MBOAT1: variants seen among roughly 807,000 people sequenced by gnomAD.
The protein encoded by MBOAT1 is membrane-bound glycerophospholipid O-acyltransferase 1.
In MBOAT1, 67 loss-of-function variants were observed where a neutral mutation model predicts 64.4. The observed-to-expected ratio is 1.04, with a 90% confidence interval of 0.85 to 1.27. MBOAT1 has a LOEUF of 1.27. Ranked by LOEUF, MBOAT1 falls within the 50% of genes most tolerant of loss-of-function variation. MBOAT1 has a pLI of 0.00. For missense variants in MBOAT1, 563 were observed against 604.6 expected (o/e 0.93, Z 0.72); for synonymous variants, 229 against 218.9 (o/e 1.05, Z -0.41).
chr6:20,130,548 T>C (rs1170648127), intron 5 of MBOAT1, among the ~76,000 whole-genome samples: 1 of 151,532 alleles, frequency 6.6e-6, no homozygotes, highest in African/African-American at 2.4e-5. Context: ...GAGACGGGGG[T>C]TTCATCATGT....
chr6:20,118,655 G>C, intron 8 of MBOAT1, 115 bp from the exon 9 acceptor site: 1 of 768,926 alleles, frequency 1.3e-6, no homozygotes, highest in Non-Finnish European at 2.1e-6. Context: ...TAGTGTCTTT[G>C]GAAAAGGAAC....
At chr6:20,150,873 C>T (rs1474944917) in intron 3 of MBOAT1, among the ~76,000 whole-genome samples, 3 of 151,956 alleles carry the variant, frequency 2.0e-5, no homozygotes, top group Non-Finnish European at 4.4e-5. Flanking sequence ...TGAGCCACCA[C>T]GCCCAGCCTT....
intron 11 of MBOAT1, among the ~76,000 whole-genome samples, chr6:20,110,781 A>G (rs919288417): frequency 3.3e-5 from 5 of 152,144 alleles, no homozygotes; most frequent in Non-Finnish European, 7.4e-5. Flanking sequence ...GCCAGTAAAT[A>G]TTAATCTCCA....
At chr6:20,118,087 C>T (rs939746977) in intron 9 of MBOAT1, among the ~76,000 whole-genome samples, 7 of 152,058 alleles carry the variant, frequency 4.6e-5, no homozygotes, top group African/African-American at 1.4e-4. Flanking sequence ...AGTCTACATT[C>T]GTCACTGAAA....
chr6:20,191,674 C>A (rs930336417), intron 1 of MBOAT1, among the ~76,000 whole-genome samples: 2 of 152,192 alleles, frequency 1.3e-5, no homozygotes, highest in African/African-American at 4.8e-5. Context: ...GGTCATTTCA[C>A]CACATTGGAC....
chr6:20,125,013 T>C (rs1263484742), intron 7 of MBOAT1, among the ~76,000 whole-genome samples: 1 of 152,134 alleles, frequency 6.6e-6, no homozygotes, highest in Non-Finnish European at 1.5e-5. Flanking sequence ...GAATCACCAG[T>C]AGGGAAGACA....
intron 1 of MBOAT1, among the ~76,000 whole-genome samples, chr6:20,171,416 G>A (rs890390465): frequency 3.3e-5 from 5 of 150,866 alleles, no homozygotes; most frequent in Admixed American, 6.6e-5. Flanking sequence ...AGCCGGGCAT[G>A]GTGATGCACA....
intron 1 of MBOAT1, among the ~76,000 whole-genome samples, chr6:20,161,752 T>C (rs1282196420): frequency 2.0e-5 from 3 of 152,106 alleles, no homozygotes; most frequent in African/African-American, 7.2e-5. Flanking sequence ...AGTTCTCTTG[T>C]GGTATATTCC....
At chr6:20,103,509 G>A (rs894473620) in intron 12 of MBOAT1, among the ~76,000 whole-genome samples, 4 of 151,678 alleles carry the variant, frequency 2.6e-5, no homozygotes, top group African/African-American at 4.9e-5. Flanking sequence ...TCGGCTCACC[G>A]CAACCTCCAA....
At chr6:20,130,708 A>C (rs551001171) in intron 5 of MBOAT1, among the ~76,000 whole-genome samples, 1 of 152,026 alleles carries the variant, frequency 6.6e-6, no homozygotes, top group Non-Finnish European at 1.5e-5. Flanking sequence ...AGCCAAAAAA[A>C]AAAACAAACA....
At chr6:20,147,611 A>T (rs1403211150) in intron 3 of MBOAT1, among the ~76,000 whole-genome samples, 1 of 151,554 alleles carries the variant, frequency 6.6e-6, no homozygotes, top group Non-Finnish European at 1.5e-5. Flanking sequence ...CGCACTCCAG[A>T]CTGGGCAACG....
At chr6:20,130,386 C>T (rs1760783172) in intron 5 of MBOAT1, among the ~76,000 whole-genome samples, 1 of 152,080 alleles carries the variant, frequency 6.6e-6, no homozygotes, top group Non-Finnish European at 1.5e-5. Flanking sequence ...TGGAGTCTCG[C>T]TCTGTCACCC....
chr6:20,143,572 G>A (rs377734220), intron 4 of MBOAT1, among the ~76,000 whole-genome samples: 3 of 152,236 alleles, frequency 2.0e-5, no homozygotes, highest in South Asian at 4.1e-4. Flanking sequence ...ATGAGACTAC[G>A]TGGAAAGAAC....
chr6:20,140,444 A>C (rs1761136786), intron 4 of MBOAT1, among the ~76,000 whole-genome samples: 1 of 152,188 alleles, frequency 6.6e-6, no homozygotes, highest in Non-Finnish European at 1.5e-5. Flanking sequence ...TCCAAAAGAG[A>C]TTAGCATTTG....
intron 4 of MBOAT1, among the ~76,000 whole-genome samples, chr6:20,142,536 G>A (rs1319979720): frequency 2.6e-5 from 4 of 152,220 alleles, no homozygotes; most frequent in Non-Finnish European, 2.9e-5. Flanking sequence ...TACAACCTCC[G>A]CCTCCCAGGG....
chr6:20,135,698 T>C (rs917221202), intron 4 of MBOAT1, among the ~76,000 whole-genome samples: 1 of 152,182 alleles, frequency 6.6e-6, no homozygotes, highest in African/African-American at 2.4e-5. Context: ...TTCAAGCCTC[T>C]GATGTTCTCC....
intron 4 of MBOAT1, among the ~76,000 whole-genome samples, chr6:20,139,074 ATCTAGG>A (rs1761089576): frequency 6.6e-6 from 1 of 152,016 alleles, no homozygotes; most frequent in Admixed American, 6.6e-5. Flanking sequence ...GTCGTACTGG[ATCTAGG>A]GCCCACTCTA....
In MBOAT1 at chr6:20,144,565, C is replaced by G. The variant is rs144182139; in HGVS notation, c.324-250G>C. Among the ~76,000 whole-genome samples the G allele has an allele frequency of 1.9e-3, 289 of 152,280 alleles. 2 individuals carry two copies. Among genetic ancestry groups the G allele is most frequent in the Non-Finnish European group, 2.4e-3 (166 of 68,034 alleles). On this transcript the variant is annotated intron_variant, in intron 3 of 12. Transcript: ENST00000324607. ...ATGGAGCTTTGCAAACCACAGATCC[C>G]TGGGACTTGCTCCCTGCTATTCCTG...
intron 1 of MBOAT1, among the ~76,000 whole-genome samples, chr6:20,200,627 T>C (rs1198231877): frequency 6.6e-6 from 1 of 152,116 alleles, no homozygotes; most frequent in Non-Finnish European, 1.5e-5. Flanking sequence ...ACCCCAAGTC[T>C]TCGGCCTCCC....
Sources: gnomAD v4.1 joint callset for allele counts (sites outside exome capture counted in the v4.1 genomes callset) on GRCh38, gnomAD v4.1.1 for gene constraint, MANE v1.5 for transcripts, NCBI Gene and HGNC (gene_info 2026-07-23, HGNC 2026-07-21) for gene names.